FAAH2: variants seen among roughly 807,000 people sequenced by gnomAD.
FAAH2 encodes the protein fatty acid amide hydrolase 2.
In FAAH2, 60 loss-of-function variants were observed where a neutral mutation model predicts 36.9. The ratio of observed to expected loss-of-function variants is 1.63; its 90% CI spans 1.32 to 2.02. FAAH2 has a LOEUF of 2.02. FAAH2 is among the 30% of genes most tolerant of loss of function. The pLI is 0.00. For synonymous variants in FAAH2, 214 were observed against 143.8 expected (o/e 1.49, Z -3.49); for missense variants, 689 against 397.5 (o/e 1.73, Z -6.23).
rs1602643382 is a variant in FAAH2, at chrX:57,432,109, A to G, written c.1116+72A>G. On this transcript the variant is annotated intron_variant, in intron 8 of 10. Transcript: ENST00000374900. ...TTATTGAGCTTCTATTGTGGTCCAT[A>G]TGTTAGAGGTGTAGAGAAAAGAAAC... 3.3e-6 allele frequency: 3 copies of G among 912,030 alleles called. No individual in the cohort carries two copies. In the East Asian group the frequency reaches 1.0e-4, roughly 31 times the overall value. 75.2% of individuals were successfully genotyped at this position (912,030 alleles called of 1,213,427 possible).
chrX:57,210,773 T>C, the FAAH2 span, among the ~76,000 whole-genome samples: 1 of 112,338 alleles, frequency 8.9e-6, no homozygotes, highest in Non-Finnish European at 1.9e-5. Context: ...GAAAAAGAAA[T>C]GAAAGCCATA....
At chrX:57,275,921 AG>A in the FAAH2 span, among the ~76,000 whole-genome samples, 1 of 111,838 alleles carries the variant, frequency 8.9e-6, no homozygotes. Flanking sequence ...AGATTCATAA[AG>A]CAAGTCCTTA....
chrX:57,162,567 T>C, the FAAH2 span, among the ~76,000 whole-genome samples: 1 of 111,634 alleles, frequency 9.0e-6, no homozygotes, highest in African/African-American at 3.3e-5. Flanking sequence ...TTTCTTTTTA[T>C]TCTTTTTTCT....
At chrX:57,317,173 C>A (rs1339298239) in intron 3 of FAAH2, among the ~76,000 whole-genome samples, 1 of 111,811 alleles carries the variant, frequency 8.9e-6, no homozygotes, top group East Asian at 2.8e-4. Context: ...ACAATATTAG[C>A]CTTAAATGTA....
intron 5 of FAAH2, among the ~76,000 whole-genome samples, chrX:57,378,155 A>G (rs1361891703): frequency 8.9e-6 from 1 of 112,305 alleles, no homozygotes; most frequent in Non-Finnish European, 1.9e-5. Flanking sequence ...TGGCATAAAC[A>G]AAGTTATAAA....
intron 7 of FAAH2, among the ~76,000 whole-genome samples, chrX:57,429,768 G>T (rs1439863366): frequency 9.0e-6 from 1 of 111,574 alleles, no homozygotes; most frequent in Non-Finnish European, 1.9e-5. Flanking sequence ...AAAAGATATA[G>T]AATCAACTAA....
At position 57,340,454 on chromosome X, in the gene FAAH2, G is replaced by A. The variant is rs1450250127; in HGVS notation, c.623-817G>A. On this transcript the variant is annotated intron_variant, in intron 4 of 10. Transcript: ENST00000374900. ...CCATCAAACTGGGTATATACCCAAA[G>A]GAATATAAAGCATTTTATTATAAAG... is the stretch of plus-strand genomic sequence containing the variant. Among the ~76,000 whole-genome samples the A allele has an allele frequency of 3.6e-5, 4 of 111,698 alleles. No individual in the cohort carries two copies. In the East Asian group the frequency reaches 1.1e-3, roughly 32 times the overall value.
chrX:57,439,078 T>C (rs2056484355), intron 8 of FAAH2, among the ~76,000 whole-genome samples: 1 of 110,950 alleles, frequency 9.0e-6, no homozygotes, highest in Non-Finnish European at 1.9e-5. Context: ...GCATGTGTCT[T>C]TATAGTAGCA....
rs974041102 is a variant in FAAH2, at chrX:57,339,572, A to T, written c.623-1699A>T. 2.7e-5 allele frequency among the ~76,000 whole-genome samples: 3 copies of T among 109,572 alleles called. No homozygotes were observed. In the South Asian group the frequency reaches 1.1e-3, roughly 41 times the overall value. On this transcript the variant is annotated intron_variant, in intron 4 of 10. Transcript: ENST00000374900. ...ACTTAAACAAATTTACAAGAAAAAA[A>T]CATTAAAAAGTAGGCAAAGGACATG...
At chrX:57,430,081 A>G (rs1427075481) in intron 7 of FAAH2, among the ~76,000 whole-genome samples, 1 of 111,802 alleles carries the variant, frequency 8.9e-6, no homozygotes, top group Admixed American at 9.5e-5. Context: ...CTTAGCGGAT[A>G]CAATGTACAT....
chrX:57,477,233 T>C (rs934473872), intron 10 of FAAH2, among the ~76,000 whole-genome samples: 1 of 110,706 alleles, frequency 9.0e-6, no homozygotes, highest in Non-Finnish European at 1.9e-5. Context: ...TATTTGTTTT[T>C]TAATTTTTAA....
At chrX:57,207,160 T>C in the FAAH2 span, among the ~76,000 whole-genome samples, 1 of 111,011 alleles carries the variant, frequency 9.0e-6, no homozygotes. Context: ...TTATGCATCA[T>C]ATGTTGACTT....
At chrX:57,259,515 A>C in the FAAH2 span, among the ~76,000 whole-genome samples, 10 of 112,248 alleles carry the variant, frequency 8.9e-5, no homozygotes, top group African/African-American at 3.2e-4. Flanking sequence ...TGCTCTGAGA[A>C]TTAATCCAGA....
At chrX:57,244,012 G>A in the FAAH2 span, among the ~76,000 whole-genome samples, 7 of 107,487 alleles carry the variant, frequency 6.5e-5, no homozygotes, top group African/African-American at 1.0e-4. Flanking sequence ...AAAAAGGTTC[G>A]TTGAATTGCT....
intron 5 of FAAH2, 78 bp downstream of exon 5, chrX:57,341,468 A>T: frequency 1.9e-6 from 2 of 1,044,039 alleles, no homozygotes; most frequent in East Asian, 3.1e-5. Flanking sequence ...TAGCAGGATT[A>T]TCTTGCTTAT....
chrX:57,454,713 G>C (rs149783549), intron 10 of FAAH2, among the ~76,000 whole-genome samples: 1 of 111,527 alleles, frequency 9.0e-6, no homozygotes, highest in African/African-American at 3.3e-5. Context: ...CTCTGAGCTG[G>C]AAGACCAGCT....
intron 5 of FAAH2, among the ~76,000 whole-genome samples, chrX:57,372,289 C>T (rs968653617): frequency 9.0e-6 from 1 of 111,252 alleles, no homozygotes; most frequent in Admixed American, 9.5e-5. Context: ...TCTCTTTTCT[C>T]TGCAGTCCTG....
At chrX:57,486,992 T>C (rs2057485784) in intron 10 of FAAH2, among the ~76,000 whole-genome samples, 1 of 111,772 alleles carries the variant, frequency 8.9e-6, no homozygotes, top group African/African-American at 3.3e-5. Flanking sequence ...CCTCTCAATT[T>C]ACTTTTAATA....
intron 5 of FAAH2, among the ~76,000 whole-genome samples, chrX:57,369,061 A>C (rs1051459729): frequency 6.5e-5 from 7 of 108,201 alleles, no homozygotes; most frequent in African/African-American, 2.4e-4. Flanking sequence ...TGTGGAGCTG[A>C]AGAATTCAAC....
Sources: gnomAD v4.1 joint callset for allele counts (sites outside exome capture counted in the v4.1 genomes callset) on GRCh38, gnomAD v4.1.1 for gene constraint, MANE v1.5 for transcripts, NCBI Gene and HGNC (gene_info 2026-07-23, HGNC 2026-07-21) for gene names.